PLXDC2: variants seen among roughly 807,000 people sequenced by gnomAD.
PLXDC2 encodes the protein plexin domain containing 2, also known as plexin domain-containing protein 2.
Under a neutral mutation model 68.9 loss-of-function variants are expected in PLXDC2, and 40 were observed. The ratio of observed to expected loss-of-function variants is 0.58; its 90% CI spans 0.45 to 0.76. PLXDC2 has a LOEUF of 0.76. Ranked by LOEUF, PLXDC2 falls within the 30% of genes least tolerant of loss-of-function variation. PLXDC2 has a pLI of 0.00. For missense variants in PLXDC2, 644 were observed against 661.9 expected (o/e 0.97, Z 0.30); for synonymous variants, 243 against 234.2 (o/e 1.04, Z -0.34).
At chr10:20,041,065 G>C (rs1347324871) in intron 2 of PLXDC2, among the ~76,000 whole-genome samples, 3 of 152,082 alleles carry the variant, frequency 2.0e-5, no homozygotes, top group African/African-American at 7.2e-5. Flanking sequence ...TTTTCTTGGA[G>C]ACAGTGCTCA....
intron 3 of PLXDC2, among the ~76,000 whole-genome samples, chr10:20,058,864 C>T (rs1836049399): frequency 6.6e-6 from 1 of 152,162 alleles, no homozygotes. Flanking sequence ...ACAAGTGCTA[C>T]CAGGTAAAGT....
Position 20,061,445 on chromosome 10 carries a change from G to T in PLXDC2, c.472-6725G>T, listed in dbSNP as rs143973578. Among the ~76,000 whole-genome samples, 403 of 152,080 alleles carry T rather than the reference G, an allele frequency of 2.6e-3. 6 individuals carry two copies. Among genetic ancestry groups the T allele is most frequent in the African/African-American group, 8.8e-3 (365 of 41,496 alleles). ...TGGGGATGATATTTTGTCCTTCCTCGTGCATCATATCATGAGGTACATGAT... is the reference window on the plus strand; with the variant it reads ...TGGGGATGATATTTTGTCCTTCCTCTTGCATCATATCATGAGGTACATGAT... On this transcript the variant is annotated intron_variant, in intron 3 of 13. Transcript: ENST00000377252.
intron 10 of PLXDC2, among the ~76,000 whole-genome samples, chr10:20,216,573 G>A (rs1358160377): frequency 6.6e-6 from 1 of 152,100 alleles, no homozygotes; most frequent in African/African-American, 2.4e-5. Flanking sequence ...GTTTAAGAAT[G>A]ATATTTATTT....
At chr10:20,034,444 C>A (rs1835546980) in intron 2 of PLXDC2, among the ~76,000 whole-genome samples, 3 of 152,010 alleles carry the variant, frequency 2.0e-5, no homozygotes. Flanking sequence ...TATGCTTGTT[C>A]TGTTTGAGAC....
Position 20,281,468 on chromosome 10 carries a change from AT to A in PLXDC2, c.*1653del. ...GAAGCAGAGATGTCTCATAAGCAGC[AT>A]TTTCCCAACAGTTTAGCATCTGTAC... is the stretch of plus-strand genomic sequence containing the variant. On this transcript the variant is annotated 3_prime_UTR_variant, in exon 14 of 14. Transcript: ENST00000377252. 1 of 152,266 alleles carries A rather than the reference AT, an allele frequency of 6.6e-6. No homozygotes were observed. Among genetic ancestry groups the A allele is most frequent in the Admixed American group, 6.5e-5 (1 of 15,280 alleles). 9.4% of individuals were successfully genotyped at this position (152,266 alleles called of 1,614,324 possible). A position where few individuals can be genotyped will look rare whatever the true frequency, so the allele number is the denominator to read the frequency against.
chr10:20,072,782 T>C (rs541839129), intron 4 of PLXDC2, among the ~76,000 whole-genome samples: 26 of 152,308 alleles, frequency 1.7e-4, no homozygotes, highest in African/African-American at 6.3e-4. Flanking sequence ...TCATTTGAGT[T>C]GTTAAATCAC....
intron 2 of PLXDC2, among the ~76,000 whole-genome samples, chr10:20,032,500 A>T (rs1035057982): frequency 6.6e-6 from 1 of 152,192 alleles, no homozygotes; most frequent in African/African-American, 2.4e-5. Context: ...TACTATGTAG[A>T]GAATAGAGTG....
intron 4 of PLXDC2, among the ~76,000 whole-genome samples, chr10:20,139,412 C>G (rs947633095): frequency 6.6e-6 from 1 of 152,196 alleles, no homozygotes; most frequent in East Asian, 1.9e-4. Flanking sequence ...CAGATGAGTG[C>G]TATTTATAGT....
intron 1 of PLXDC2, among the ~76,000 whole-genome samples, chr10:19,822,101 C>CT (rs970047885): frequency 1.3e-5 from 2 of 151,416 alleles, no homozygotes; most frequent in African/African-American, 2.4e-5. Context: ...GCAAGATCTT[C>CT]TTTTTTAAAG....
chr10:20,081,487 C>G (rs889730637), intron 4 of PLXDC2, among the ~76,000 whole-genome samples: 5 of 152,018 alleles, frequency 3.3e-5, no homozygotes, highest in African/African-American at 1.2e-4. Context: ...GTTGTAACCT[C>G]CATGTACTTA....
At chr10:19,885,521 G>A (rs1837827236) in intron 1 of PLXDC2, among the ~76,000 whole-genome samples, 2 of 152,054 alleles carry the variant, frequency 1.3e-5, no homozygotes, top group African/African-American at 2.4e-5. Context: ...ATCTTGAATT[G>A]ATTTTTGTGT....
Position 20,206,190 on chromosome 10 carries a change from G to A in PLXDC2, c.1062-5479G>A, listed in dbSNP as rs531235229. Among the ~76,000 whole-genome samples the A allele has an allele frequency of 3.0e-3, 454 of 150,488 alleles. 4 individuals carry two copies. The highest frequency in any genetic ancestry group is 0.011 in the African/African-American group (443 of 40,258). On this transcript the variant is annotated intron_variant, in intron 9 of 13. Coordinates refer to ENST00000377252, the MANE Select transcript of PLXDC2 (RefSeq NM_032812.9). ...TGCAATACAATCATTCAAAAAAAAA[G>A]AAAAATAACTTATCTAAGATCACAC...
At chr10:20,247,711 CA>C in intron 13 of PLXDC2, among the ~76,000 whole-genome samples, 1 of 152,180 alleles carries the variant, frequency 6.6e-6, no homozygotes. Context: ...TTCTGCCCTG[CA>C]AGACTTGTAA....
At chr10:20,236,930 A>C (rs1453727710) in intron 12 of PLXDC2, among the ~76,000 whole-genome samples, 1 of 152,052 alleles carries the variant, frequency 6.6e-6, no homozygotes, top group Non-Finnish European at 1.5e-5. Context: ...TATTCCTTTT[A>C]ATATTATTTC....
At chr10:19,884,894 T>C (rs1837813087) in intron 1 of PLXDC2, among the ~76,000 whole-genome samples, 1 of 152,138 alleles carries the variant, frequency 6.6e-6, no homozygotes, top group Admixed American at 6.5e-5. Flanking sequence ...GGTCAAATGG[T>C]ATTTCTAGTT....
At chr10:19,917,972 T>C (rs1164687081) in intron 1 of PLXDC2, among the ~76,000 whole-genome samples, 5 of 152,160 alleles carry the variant, frequency 3.3e-5, no homozygotes, top group Admixed American at 6.5e-5. Flanking sequence ...ACCCACTGTA[T>C]TTCTCCTCGG....
chr10:19,838,470 T>G (rs1447695146), intron 1 of PLXDC2, among the ~76,000 whole-genome samples: 2 of 152,216 alleles, frequency 1.3e-5, no homozygotes, highest in African/African-American at 4.8e-5. Context: ...CAGAGCAATT[T>G]AAGTCCAAGT....
chr10:20,249,674 CA>C (rs1358397759), intron 13 of PLXDC2, among the ~76,000 whole-genome samples: 4 of 152,130 alleles, frequency 2.6e-5, no homozygotes, highest in Non-Finnish European at 5.9e-5. Flanking sequence ...TTAACTGAAC[CA>C]CATCTGCAAA....
chr10:19,897,082 G>A (rs1385833808), intron 1 of PLXDC2, among the ~76,000 whole-genome samples: 3 of 152,098 alleles, frequency 2.0e-5, no homozygotes, highest in African/African-American at 7.2e-5. Context: ...CTGCCCTCAG[G>A]AGTTTTACAC....
Sources: allele counts gnomAD v4.1 joint callset (sites outside exome capture counted in the v4.1 genomes callset), GRCh38; gene constraint gnomAD v4.1.1; transcripts MANE v1.5; gene names NCBI Gene and HGNC (gene_info 2026-07-23, HGNC 2026-07-21).